Variants in ATP7B observed in about 807,000 individuals in gnomAD.
ATP7B encodes ATPase copper transporting beta, also known as copper-transporting ATPase 2.
ATP7B carries 113 observed loss-of-function variants against 118.9 expected under a neutral mutation model. The ratio of observed to expected loss-of-function variants is 0.95; its 90% CI spans 0.82 to 1.11. The LOEUF (loss-of-function observed/expected upper bound fraction) is 1.11, where lower values mean the gene tolerates loss of function less well. ATP7B is among the 50% of genes most tolerant of loss of function. The pLI is 0.00. For missense variants in ATP7B, 1,867 were observed against 1,871.4 expected (o/e 1.00, Z 0.04); for synonymous variants, 777 against 727.4 (o/e 1.07, Z -1.10).
chr13:51,938,865 T>C (rs1299340497), intron 17 of ATP7B, among the ~76,000 whole-genome samples, 186 bp downstream of exon 17: 1 of 152,200 alleles, frequency 6.6e-6, no homozygotes, highest in Non-Finnish European at 1.5e-5. Flanking sequence ...GGAAGAGATC[T>C]TCGCACAGCA....
At chr13:51,978,187 G>T (rs984793514) in intron 1 of ATP7B, among the ~76,000 whole-genome samples, 4 of 151,972 alleles carry the variant, frequency 2.6e-5, no homozygotes, top group African/African-American at 7.2e-5. Flanking sequence ...TTCAAATGAA[G>T]TCAAAAGATA....
At chr13:51,948,580 A>G (rs753266148) in intron 12 of ATP7B, among the ~76,000 whole-genome samples, 1 of 152,160 alleles carries the variant, frequency 6.6e-6, no homozygotes, top group Non-Finnish European at 1.5e-5. Flanking sequence ...TGCTACTGAC[A>G]TTTGGGGCCA....
At position 51,934,934 on chromosome 13, in the gene ATP7B, T is replaced by C. The variant is rs1424986704; in HGVS notation, c.4220A>G (p.Asp1407Gly). The stretch of plus-strand genomic sequence containing the variant: ...CCTGGGGGAGTCCCGCCACCTGTCA[T>C]CCATGCCTATGTGCACACTGACCTG... ...ASQVSVHIGM[D>G]DRWRDSPRAT... The change falls in exon 21 of 21, where the codon GAT becomes GGT. Residue 1407 changes from aspartate to glycine, a missense_variant. Transcript: ENST00000242839. 1 of 1,614,088 alleles carries C rather than the reference T, an allele frequency of 6.2e-7. No individual in the cohort carries two copies. The highest frequency in any genetic ancestry group is 8.5e-7 in the Non-Finnish European group (1 of 1,180,022).
chr13:51,953,921 T>C (rs1361005761), intron 9 of ATP7B, among the ~76,000 whole-genome samples: 2 of 147,830 alleles, frequency 1.4e-5, no homozygotes, highest in Non-Finnish European at 3.0e-5. Flanking sequence ...AGCCTTTTAA[T>C]ATCAAGCACA....
chr13:51,992,931 T>C (rs1260758721), intron 1 of ATP7B, among the ~76,000 whole-genome samples: 1 of 133,374 alleles, frequency 7.5e-6, no homozygotes, highest in Non-Finnish European at 1.5e-5. Context: ...TGAGCCAAGA[T>C]TACGCCACTG....
At chr13:52,007,683 A>G (rs1387537152) in intron 1 of ATP7B, among the ~76,000 whole-genome samples, 1 of 152,120 alleles carries the variant, frequency 6.6e-6, no homozygotes, top group Non-Finnish European at 1.5e-5. Context: ...GGCCCACAAG[A>G]CCACAAGAAT....
rs528656092 is a variant in ATP7B at position 51,938,049 on chromosome 13, G to A, written c.3700-370C>T. ...TCCAGTAGACCCCATGCATCTCCCA[G>A]AGGAGGGCAGCTCAACTCTTGGGTC... is the stretch of plus-strand genomic sequence containing the variant. On this transcript the variant is annotated intron_variant, in intron 17 of 20. Coordinates refer to ENST00000242839, the MANE Select transcript of ATP7B (RefSeq NM_000053.4). Among the ~76,000 whole-genome samples, 3 of 152,290 alleles carry A rather than the reference G, an allele frequency of 2.0e-5. No homozygotes were observed. The South Asian group carries it at 6.2e-4, about 32-fold the overall frequency.
Position 51,974,848 on chromosome 13 carries a change from G to A in ATP7B, c.372C>T (p.Ser124=). 6.2e-7 allele frequency: 1 copy of A among 1,614,228 alleles called. No homozygotes were observed. The highest frequency in any genetic ancestry group is 8.5e-7 in the Non-Finnish European group (1 of 1,180,048). The change falls in exon 2 of 21, where the codon AGC becomes AGT. Residue 124 remains serine (S), a synonymous_variant. Transcript: ENST00000242839. ...HQIGDMGFEA[S]IAEGKAASWP... ...AGGAGGCTGCCTTTCCTTCTGCAAT[G>A]CTGGCCTCGAAGCCCATGTCCCCAA... is the stretch of plus-strand genomic sequence containing the variant.
chr13:51,976,343 C>A (rs1397197937), intron 1 of ATP7B, among the ~76,000 whole-genome samples: 1 of 152,176 alleles, frequency 6.6e-6, no homozygotes, highest in African/African-American at 2.4e-5. Context: ...AGCTTAACAA[C>A]ACAAATGTTT....
chr13:51,985,595 C>G (rs577780230), intron 1 of ATP7B, among the ~76,000 whole-genome samples: 2 of 152,300 alleles, frequency 1.3e-5, no homozygotes, highest in Admixed American at 1.3e-4. Flanking sequence ...ACTCTCCACC[C>G]CAAATCAACA....
Position 51,946,413 on chromosome 13 carries a change from C to G in ATP7B, c.2931G>C (p.Thr977=), listed in dbSNP as rs766153385. Reference sequence around the variant, plus strand: ...AGCAGGGGCAGGCAATGCACAGCACCGTGATGGACGTCTGGAAAGCAAACC... The same window carrying G: ...AGCAGGGGCAGGCAATGCACAGCACGGTGATGGACGTCTGGAAAGCAAACC... The part of the protein sequence containing the change: ...IIRFAFQTSI[T]VLCIACPCSL... Residue 977 remains threonine, a synonymous_variant, in exon 13 of 21, where the codon ACG becomes ACC. Coordinates refer to ENST00000242839, the MANE Select transcript of ATP7B (RefSeq NM_000053.4). The G allele has an allele frequency of 1.2e-6, 2 of 1,614,148 alleles. No individual in the cohort carries two copies. The highest frequency in any genetic ancestry group is 1.7e-6 in the Non-Finnish European group (2 of 1,180,042).
At chr13:51,935,126 A>G (rs2138425056) in intron 20 of ATP7B, 97 bp from the exon 21 acceptor site, 3 of 1,474,822 alleles carry the variant, frequency 2.0e-6, no homozygotes, top group Non-Finnish European at 2.8e-6. Flanking sequence ...TCTTTTAATA[A>G]CATTCAGTAT....
chr13:51,935,755 T>C lies in ATP7B; in HGVS notation c.4022-60A>G, dbSNP rs938942033. 3 of 1,489,902 alleles carry C rather than the reference T, an allele frequency of 2.0e-6. No homozygotes were observed. In the African/African-American group the frequency reaches 4.2e-5, roughly 21 times the overall value. The allele number at this position is 1,489,902 out of a possible 1,614,324, so 92.3% of individuals were successfully genotyped here. Reference sequence around the variant, plus strand: ...CTGGGGAGAGGAGCCAGGAGAGGGCTTCAGGCACCGGGCTGCCCCACCCTC... The same window carrying C: ...CTGGGGAGAGGAGCCAGGAGAGGGCCTCAGGCACCGGGCTGCCCCACCCTC... On this transcript the variant is annotated intron_variant, in intron 19 of 20. Coordinates refer to ENST00000242839, the MANE Select transcript of ATP7B (RefSeq NM_000053.4).
chr13:51,976,954 C>T (rs558156081), intron 1 of ATP7B, among the ~76,000 whole-genome samples: 1 of 152,198 alleles, frequency 6.6e-6, no homozygotes, highest in Non-Finnish European at 1.5e-5. Flanking sequence ...ATTTTATAAA[C>T]ACTGTAAACT....
At chr13:51,997,783 A>G (rs1395709989) in intron 1 of ATP7B, among the ~76,000 whole-genome samples, 2 of 152,224 alleles carry the variant, frequency 1.3e-5, no homozygotes, top group African/African-American at 4.8e-5. Flanking sequence ...TGACTGCTGG[A>G]TCACAGCAGG....
rs1956851232 is a variant in ATP7B, at chr13:51,934,708, G to C, written c.*48C>G. On this transcript the variant is annotated 3_prime_UTR_variant, in exon 21 of 21. Coordinates refer to ENST00000242839, the MANE Select transcript of ATP7B (RefSeq NM_000053.4). ...TGCTGCTGGCTGTCCTGCTCAGCTTGTGGTGAGTGGAGGCAAGTCCCTGCC... is the reference window on the plus strand; with the variant it reads ...TGCTGCTGGCTGTCCTGCTCAGCTTCTGGTGAGTGGAGGCAAGTCCCTGCC... 1.2e-6 allele frequency: 2 copies of C among 1,608,398 alleles called. No homozygotes were observed. Among genetic ancestry groups the C allele is most frequent in the Admixed American group, 3.3e-5 (2 of 60,006 alleles).
At chr13:51,970,436 G>C (rs1725512936) in intron 3 of ATP7B, 56 bp downstream of exon 3, 2 of 1,610,972 alleles carry the variant, frequency 1.2e-6, no homozygotes, top group South Asian at 1.1e-5. Flanking sequence ...TCTGAAGGGA[G>C]AATACGAGGT....
chr13:52,003,831 G>A (rs1953645519), intron 1 of ATP7B, among the ~76,000 whole-genome samples: 2 of 152,202 alleles, frequency 1.3e-5, no homozygotes, highest in East Asian at 1.9e-4. Context: ...CAGAGCTTCC[G>A]AGAGAAGGTG....
At position 51,946,469 on chromosome 13, in the gene ATP7B, T is replaced by C. The variant is rs368180043; in HGVS notation, c.2875A>G (p.Lys959Glu). The C allele has an allele frequency of 5.6e-6, 9 of 1,614,162 alleles. No homozygotes were observed. Among genetic ancestry groups the C allele is most frequent in the East Asian group, 2.2e-5 (1 of 44,878 alleles). ...ATCACCTCTGTCTGGGAGATGTGCT[T>C]GTTGGGGTTCTGAAAACAGGACAGA... ...VVQRYFPNPN[K>E]HISQTEVIIR... The change falls in exon 13 of 21, where the codon AAG (lysine) becomes GAG (glutamate). Residue 959 changes from lysine to glutamate, a missense_variant. Physicochemically the swap from Lys to Glu is moderately conservative, Grantham distance 56. Transcript: ENST00000242839.
Sources: gnomAD v4.1 joint callset for allele counts (sites outside exome capture counted in the v4.1 genomes callset) on GRCh38, gnomAD v4.1.1 for gene constraint, MANE v1.5 for transcripts, NCBI Gene and HGNC (gene_info 2026-07-23, HGNC 2026-07-21) for gene names.